NUBPL: variants seen among roughly 807,000 people sequenced by gnomAD.
NUBPL encodes iron-sulfur cluster transfer protein NUBPL.
Under a neutral mutation model 45.7 loss-of-function variants are expected in NUBPL, and 31 were observed. The observed-to-expected ratio is 0.68, with a 90% CI of 0.51 to 0.92. NUBPL has a LOEUF of 0.92. Among genes scored for constraint, NUBPL ranks in the 40% least tolerant of loss-of-function variants. NUBPL has a pLI of 0.00. For missense variants in NUBPL, 401 were observed against 398.7 expected (o/e 1.01, Z -0.05); for synonymous variants, 144 against 140.9 (o/e 1.02, Z -0.15).
At chr14:31,741,051 TCA>T (rs2038272931) in intron 6 of NUBPL, among the ~76,000 whole-genome samples, 1 of 152,236 alleles carries the variant, frequency 6.6e-6, no homozygotes, top group South Asian at 2.1e-4. Flanking sequence ...AGCATATTAA[TCA>T]CAGTTTAAAA....
chr14:31,793,971 A>C (rs2039436746), intron 7 of NUBPL, among the ~76,000 whole-genome samples: 1 of 98,992 alleles, frequency 1.0e-5, no homozygotes, highest in Non-Finnish European at 1.9e-5. Flanking sequence ...ATGAGTGAGA[A>C]TATGCGGTGT....
intron 4 of NUBPL, among the ~76,000 whole-genome samples, chr14:31,639,397 G>T (rs1217049460): frequency 6.6e-6 from 1 of 152,178 alleles, no homozygotes; most frequent in African/African-American, 2.4e-5. Context: ...CAGAACAGCG[G>T]ATTTCGTGAA....
chr14:31,852,437 C>G (rs1158409620), intron 10 of NUBPL, among the ~76,000 whole-genome samples: 1 of 152,160 alleles, frequency 6.6e-6, no homozygotes, highest in Non-Finnish European at 1.5e-5. Flanking sequence ...CTTTGGGAGG[C>G]TGAGGCGGGC....
In NUBPL at chr14:31,608,352, G is replaced by A. The variant is rs923513012; in HGVS notation, c.382+8973G>A. On this transcript the variant is annotated intron_variant, in intron 4 of 10. Transcript: ENST00000281081. The stretch of plus-strand genomic sequence containing the variant: ...GCGGATCACCTGAGGTCAGGAGTTC[G>A]AGGCCAGCCTGGCCAGCATGGTGAA... Among the ~76,000 whole-genome samples, 17 of 152,178 alleles carry A rather than the reference G, an allele frequency of 1.1e-4. No homozygotes were observed. The South Asian group carries it at 3.5e-3, about 32-fold the overall frequency.
At chr14:31,641,393 T>G (rs1484222399) in intron 4 of NUBPL, among the ~76,000 whole-genome samples, 1 of 152,184 alleles carries the variant, frequency 6.6e-6, no homozygotes, top group Admixed American at 6.5e-5. Flanking sequence ...CAAATCCATA[T>G]TTTTTAACTT....
At chr14:31,636,943 T>G (rs1391326462) in intron 4 of NUBPL, among the ~76,000 whole-genome samples, 9 of 152,196 alleles carry the variant, frequency 5.9e-5, no homozygotes, top group Non-Finnish European at 1.2e-4. Context: ...GATATCCCAT[T>G]TATCATTTTT....
At chr14:31,838,858 A>G (rs2139005187) in intron 8 of NUBPL, among the ~76,000 whole-genome samples, 1 of 152,252 alleles carries the variant, frequency 6.6e-6, no homozygotes, top group South Asian at 2.1e-4. Flanking sequence ...GCCACATTTC[A>G]AGTATCCAGT....
chr14:31,789,331 G>GA (rs1595629249), intron 7 of NUBPL, among the ~76,000 whole-genome samples: 3 of 150,438 alleles, frequency 2.0e-5, no homozygotes, highest in South Asian at 2.1e-4. Context: ...TGTCTCAAAA[G>GA]AAAAAAAATA....
At chr14:31,711,274 C>T (rs1316565619) in intron 6 of NUBPL, among the ~76,000 whole-genome samples, 2 of 152,198 alleles carry the variant, frequency 1.3e-5, no homozygotes, top group African/African-American at 4.8e-5. Flanking sequence ...ACGCTCCCAA[C>T]TCCAAAGAGT....
intron 6 of NUBPL, among the ~76,000 whole-genome samples, chr14:31,683,352 C>CTTTTTTTT (rs34890900): frequency 1.3e-4 from 12 of 91,022 alleles, no homozygotes; most frequent in Middle Eastern, 0.011. Context: ...ATAAAACAAT[C>CTTTTTTTT]TTTTTTTTTT....
chr14:31,783,533 T>C (rs958659359), intron 6 of NUBPL, among the ~76,000 whole-genome samples: 6 of 149,412 alleles, frequency 4.0e-5, no homozygotes, highest in African/African-American at 1.2e-4. Context: ...TTTTTTTTTT[T>C]CTCTGAGACA....
intron 10 of NUBPL, among the ~76,000 whole-genome samples, chr14:31,855,931 A>AC (rs1566601116): frequency 6.6e-6 from 1 of 152,150 alleles, no homozygotes. Context: ...GATAGAATTT[A>AC]CCCCCAGAGT....
intron 7 of NUBPL, among the ~76,000 whole-genome samples, chr14:31,817,289 C>T (rs937308363): frequency 2.0e-5 from 3 of 152,094 alleles, no homozygotes; most frequent in Non-Finnish European, 2.9e-5. Context: ...CCCAACCTAA[C>T]AAGACAGGCC....
chr14:31,716,216 G>C (rs1057475194), intron 6 of NUBPL, among the ~76,000 whole-genome samples: 1 of 152,168 alleles, frequency 6.6e-6, no homozygotes, highest in Non-Finnish European at 1.5e-5. Flanking sequence ...GGACCTGCCT[G>C]AGTCTGTTTG....
intron 4 of NUBPL, among the ~76,000 whole-genome samples, chr14:31,667,253 C>G (rs894823443): frequency 2.6e-5 from 4 of 151,968 alleles, no homozygotes; most frequent in African/African-American, 9.7e-5. Flanking sequence ...CTTTCCTTAT[C>G]ATTCTTTTTT....
chr14:31,827,610 C>T (rs2040126703), intron 8 of NUBPL, among the ~76,000 whole-genome samples: 1 of 152,124 alleles, frequency 6.6e-6, no homozygotes, highest in Non-Finnish European at 1.5e-5. Context: ...AGTGGCCTTG[C>T]TTAATTCAAA....
chr14:31,648,364 A>T (rs2035911627), intron 4 of NUBPL, among the ~76,000 whole-genome samples: 1 of 152,246 alleles, frequency 6.6e-6, no homozygotes, highest in South Asian at 2.1e-4. Context: ...CATGCTAGTC[A>T]GGTAGAACTC....
At chr14:31,846,914 C>A (rs535435449) in intron 9 of NUBPL, among the ~76,000 whole-genome samples, 2 of 151,888 alleles carry the variant, frequency 1.3e-5, no homozygotes, top group East Asian at 1.9e-4. Flanking sequence ...TGAGATAGCA[C>A]CACTGCACTC....
At chr14:31,594,761 A>G (rs1438940788) in intron 3 of NUBPL, among the ~76,000 whole-genome samples, 2 of 152,236 alleles carry the variant, frequency 1.3e-5, no homozygotes, top group South Asian at 4.1e-4. Flanking sequence ...TGAAATTCTT[A>G]TGATTGGCAG....
Sources: gnomAD v4.1 joint callset for allele counts (sites outside exome capture counted in the v4.1 genomes callset) on GRCh38, gnomAD v4.1.1 for gene constraint, MANE v1.5 for transcripts, NCBI Gene and HGNC (gene_info 2026-07-23, HGNC 2026-07-21) for gene names.